MCOLN2: variants seen among roughly 807,000 people sequenced by gnomAD.
The protein encoded by MCOLN2 is mucolipin TRP cation channel 2.
A neutral mutation model predicts 67.5 loss-of-function variants in MCOLN2; 57 were observed. The observed-to-expected ratio is 0.84, with a 90% CI of 0.68 to 1.05. The LOEUF (loss-of-function observed/expected upper bound fraction) is 1.05. Among genes scored for constraint, MCOLN2 ranks in the 50% least tolerant of loss-of-function variants. The pLI is 0.00. For synonymous variants in MCOLN2, 246 were observed against 233.3 expected (o/e 1.05, Z -0.50); for missense variants, 620 against 678.8 (o/e 0.91, Z 0.96).
At position 84,983,865 on chromosome 1, in the gene MCOLN2, CAGG is replaced by C. The variant is rs1467439463; in HGVS notation, c.77+12928_77+12930del. 2.0e-5 allele frequency among the ~76,000 whole-genome samples: 3 copies of C among 151,712 alleles called. No homozygotes were observed. The East Asian group carries it at 5.9e-4, about 30-fold the overall frequency. On this transcript the variant is annotated intron_variant, in intron 1 of 13. Transcript: ENST00000370608. ...CTAATTTTTGTATTTTTAGTAGAGA[CAGG>C]GTTTCACCATGTTGGCCAAGCTGGT...
intron 7 of MCOLN2, among the ~76,000 whole-genome samples, chr1:84,942,066 C>T (rs372901897): frequency 2.0e-5 from 3 of 152,198 alleles, no homozygotes; most frequent in African/African-American, 7.2e-5. Context: ...GCTGATCTGT[C>T]TGCCTGGAAC....
chr1:84,939,485 C>T (rs1461688003), intron 9 of MCOLN2, 68 bp downstream of exon 9: 17 of 1,473,914 alleles, frequency 1.2e-5, no homozygotes, highest in East Asian at 6.8e-5. Context: ...AAGGATGGTA[C>T]GTCTTAAGAT....
At chr1:84,938,927 C>T (rs1052677172) in intron 9 of MCOLN2, among the ~76,000 whole-genome samples, 3 of 152,020 alleles carry the variant, frequency 2.0e-5, no homozygotes, top group African/African-American at 4.8e-5. Context: ...AAGTAGAAGA[C>T]GGGAAAGCTG....
In MCOLN2 at chr1:84,939,634, G is replaced by A; in HGVS notation, c.1029C>T (p.Ile343=). Residue 343 remains isoleucine, a synonymous_variant, in exon 9 of 14, where the codon ATC becomes ATT. Coordinates refer to ENST00000370608, the MANE Select transcript of MCOLN2 (RefSeq NM_153259.4). ...TAATCACCAGGACATACCAGCCGTT[G>A]ATGAACTCCCACTGGTCGGTGTCAC... The part of the protein sequence containing the change: ...PVCDTDQWEF[I]NGWYVLVIIS... The A allele has an allele frequency of 6.2e-7, 1 of 1,614,032 alleles. No individual in the cohort carries two copies. Among genetic ancestry groups the A allele is most frequent in the Non-Finnish European group, 8.5e-7 (1 of 1,179,914 alleles).
Position 84,955,779 on chromosome 1 carries a change from G to A in MCOLN2, c.565+652C>T, listed in dbSNP as rs202136437. The stretch of plus-strand genomic sequence containing the variant: ...CTTCAAGTACGGGGCTTGAATAACT[G>A]GGATTATTACAGTATGATATGAAAA... On this transcript the variant is annotated intron_variant, in intron 4 of 13. Coordinates refer to ENST00000370608, the MANE Select transcript of MCOLN2 (RefSeq NM_153259.4). 5.9e-5 allele frequency among the ~76,000 whole-genome samples: 9 copies of A among 152,158 alleles called. 1 individual carries two copies. In the East Asian group the frequency reaches 1.5e-3, roughly 26 times the overall value.
intron 6 of MCOLN2, among the ~76,000 whole-genome samples, chr1:84,951,706 T>C (rs1339760936): frequency 6.6e-6 from 1 of 152,256 alleles, no homozygotes; most frequent in Non-Finnish European, 1.5e-5. Context: ...CTTTTCAATG[T>C]AGAAACTTGG....
intron 3 of MCOLN2, 68 bp from the exon 4 acceptor site, chr1:84,956,652 A>G: frequency 7.6e-7 from 1 of 1,324,094 alleles, no homozygotes; most frequent in Non-Finnish European, 1.0e-6. Context: ...GTTATAGCAT[A>G]TAGAATGTAC....
At chr1:84,965,003 T>C (rs1219888742) in intron 2 of MCOLN2, among the ~76,000 whole-genome samples, 1 of 152,160 alleles carries the variant, frequency 6.6e-6, no homozygotes, top group Non-Finnish European at 1.5e-5. Context: ...CCAATACTGG[T>C]TCAGCAATAC....
intron 6 of MCOLN2, among the ~76,000 whole-genome samples, chr1:84,950,239 TATG>T (rs1049309590): frequency 1.3e-5 from 2 of 152,194 alleles, no homozygotes; most frequent in African/African-American, 4.8e-5. Flanking sequence ...GTGAAACAAA[TATG>T]ATTGAAAGGG....
intron 1 of MCOLN2, among the ~76,000 whole-genome samples, chr1:84,983,492 C>G (rs567267419): frequency 6.6e-6 from 1 of 151,788 alleles, no homozygotes; most frequent in South Asian, 2.1e-4. Context: ...TGGTCTCAAA[C>G]TCCTGGATGC....
At chr1:84,991,832 C>G (rs1226432190) in intron 1 of MCOLN2, among the ~76,000 whole-genome samples, 1 of 152,144 alleles carries the variant, frequency 6.6e-6, no homozygotes, top group Non-Finnish European at 1.5e-5. Flanking sequence ...AGAAACAGTT[C>G]TCTGAGGAAG....
Position 84,958,657 on chromosome 1 carries a change from C to T in MCOLN2, c.283G>A (p.Glu95Lys). The T allele has an allele frequency of 1.3e-6, 2 of 1,596,314 alleles. No individual in the cohort carries two copies. Among genetic ancestry groups the T allele is most frequent in the Non-Finnish European group, 8.5e-7 (1 of 1,175,212 alleles). ...TGCTTAAAAGCAACAGTGTTATCTT[C>T]TTTGAAAGCAACCACCAGCTGGTTA... ...LSNQLVVAFK[E>K]DNTVAFKHLF... Residue 95 changes from glutamate (E) to lysine (K), a missense_variant, in exon 3 of 14, where the codon GAA becomes AAA. Physicochemically the swap from Glu to Lys is moderately conservative, Grantham distance 56. Coordinates refer to ENST00000370608, the MANE Select transcript of MCOLN2 (RefSeq NM_153259.4).
chr1:84,985,876 T>C (rs1484559518), intron 1 of MCOLN2, among the ~76,000 whole-genome samples: 1 of 152,054 alleles, frequency 6.6e-6, no homozygotes, highest in Admixed American at 6.5e-5. Context: ...CCAAAAGCAA[T>C]CTACAAGTCC....
chr1:84,979,122 A>C (rs1480393588), intron 1 of MCOLN2, among the ~76,000 whole-genome samples: 1 of 152,128 alleles, frequency 6.6e-6, no homozygotes, highest in Admixed American at 6.6e-5. Flanking sequence ...CAGCCCACTG[A>C]CTCAAATGTT....
intron 1 of MCOLN2, among the ~76,000 whole-genome samples, chr1:84,996,587 T>C (rs1055880581): frequency 2.0e-5 from 3 of 151,830 alleles, no homozygotes; most frequent in Non-Finnish European, 2.9e-5. Context: ...GCCGAGGAAC[T>C]GGGGTTAGCC....
At chr1:84,994,663 T>C (rs1219330481) in intron 1 of MCOLN2, among the ~76,000 whole-genome samples, 2 of 152,240 alleles carry the variant, frequency 1.3e-5, no homozygotes, top group Admixed American at 1.3e-4. Context: ...GATTATGCTT[T>C]AGCTTTAGTG....
intron 11 of MCOLN2, 163 bp downstream of exon 11, chr1:84,937,592 T>C: frequency 1.4e-6 from 2 of 1,407,880 alleles, no homozygotes; most frequent in Non-Finnish European, 1.9e-6. Flanking sequence ...CACTTCTATA[T>C]CCTGAAAAGG....
intron 12 of MCOLN2, among the ~76,000 whole-genome samples, chr1:84,930,981 T>C (rs1057067152): frequency 2.0e-5 from 3 of 152,086 alleles, no homozygotes; most frequent in Non-Finnish European, 4.4e-5. Flanking sequence ...CCAGTGTGAG[T>C]TGTAGCAATA....
At chr1:84,943,523 G>C (rs745426929) in intron 7 of MCOLN2, among the ~76,000 whole-genome samples, 1 of 152,112 alleles carries the variant, frequency 6.6e-6, no homozygotes, top group Non-Finnish European at 1.5e-5. Context: ...TCAGAGAACA[G>C]ACTGCGGTCA....
Sources: allele counts gnomAD v4.1 joint callset (sites outside exome capture counted in the v4.1 genomes callset), GRCh38; gene constraint gnomAD v4.1.1; transcripts MANE v1.5; gene names NCBI Gene and HGNC (gene_info 2026-07-23, HGNC 2026-07-21).